The following NEDD4L variants were observed in gnomAD, a reference collection of about 807,000 sequenced individuals.
NEDD4L encodes E3 ubiquitin-protein ligase NEDD4-like.
Under a neutral mutation model 148.9 loss-of-function variants are expected in NEDD4L, and 54 were observed. The ratio of observed to expected loss-of-function variants is 0.36; its 90% confidence interval spans 0.29 to 0.45. NEDD4L has a LOEUF of 0.45. Among genes scored for constraint, NEDD4L ranks in the 20% least tolerant of loss-of-function variants. The probability of loss-of-function intolerance (pLI) is 1.00; values close to 1 mark genes in which losing one functional copy is unlikely to be tolerated. For missense variants in NEDD4L, 856 were observed against 1,233.8 expected, an observed-to-expected ratio of 0.69 and a Z score of 4.59; for synonymous variants, 433 against 440.7, an observed-to-expected ratio of 0.98 and a Z score of 0.22.
At chr18:58,283,190 C>T (rs1394297520) in intron 5 of NEDD4L, among the ~76,000 whole-genome samples, 2 of 152,178 alleles carry the variant, frequency 1.3e-5, no homozygotes, top group Non-Finnish European at 2.9e-5. Context: ...ATTCTCCTGC[C>T]TTAGCCTCCT....
chr18:58,081,255 G>A (rs1420095413), intron 1 of NEDD4L, among the ~76,000 whole-genome samples: 5 of 129,510 alleles, frequency 3.9e-5, no homozygotes, highest in Admixed American at 9.2e-5. Context: ...ACGCTCTGTC[G>A]TCTGGGCTGG....
intron 1 of NEDD4L, among the ~76,000 whole-genome samples, chr18:58,088,288 G>GT (rs1227425217): frequency 6.6e-6 from 1 of 152,190 alleles, no homozygotes; most frequent in African/African-American, 2.4e-5. Context: ...ATTGTGAGAG[G>GT]TGACTACATG....
intron 5 of NEDD4L, among the ~76,000 whole-genome samples, chr18:58,268,005 G>A (rs2050467456): frequency 6.6e-6 from 1 of 151,834 alleles, no homozygotes; most frequent in South Asian, 2.1e-4. Flanking sequence ...AGGGAAAATT[G>A]CTCTGCGCCT....
chr18:58,317,188 T>C (rs2058363212), intron 6 of NEDD4L, among the ~76,000 whole-genome samples: 1 of 152,242 alleles, frequency 6.6e-6, no homozygotes, highest in Non-Finnish European at 1.5e-5. Flanking sequence ...TTGTTTCTTT[T>C]TAAAACTCTG....
chr18:58,247,831 G>A (rs569872303), intron 3 of NEDD4L, among the ~76,000 whole-genome samples: 7 of 152,260 alleles, frequency 4.6e-5, no homozygotes, highest in East Asian at 1.9e-4. Context: ...CCCTCCCCTC[G>A]TTCATTACCA....
At position 58,389,105 on chromosome 18, in the gene NEDD4L, T is replaced by G; in HGVS notation, c.2568T>G (p.Gly856=). Residue 856 remains glycine, a synonymous_variant, in exon 28 of 31, where the codon GGT becomes GGG. Coordinates refer to ENST00000400345, the MANE Select transcript of NEDD4L (RefSeq NM_001144967.3). ...CCTAGTTGCTCATGTGCGGCCTCGG[T>G]GATGTGGATGTGAATGACTGGAGAC... The part of the protein sequence containing the change: ...NELELLMCGL[G]DVDVNDWRQH... The G allele has an allele frequency of 6.2e-7, 1 of 1,613,878 alleles. No homozygotes were observed. Among genetic ancestry groups the G allele is most frequent in the Non-Finnish European group, 8.5e-7 (1 of 1,179,826 alleles).
At chr18:58,305,188 G>A (rs2056924433) in intron 5 of NEDD4L, among the ~76,000 whole-genome samples, 1 of 152,176 alleles carries the variant, frequency 6.6e-6, no homozygotes, top group African/African-American at 2.4e-5. Flanking sequence ...AGAAGGAGGG[G>A]AACCTATCAT....
At chr18:58,054,306 T>A (rs1219132446) in intron 1 of NEDD4L, among the ~76,000 whole-genome samples, 1 of 152,256 alleles carries the variant, frequency 6.6e-6, no homozygotes, top group Non-Finnish European at 1.5e-5. Flanking sequence ...TGGAGAATCT[T>A]CTGCTTTCTT....
At position 58,336,323 on chromosome 18, in the gene NEDD4L, A is replaced by C. The variant is rs550449704; in HGVS notation, c.1125+786A>C. On this transcript the variant is annotated intron_variant, in intron 13 of 30. Coordinates refer to ENST00000400345, the MANE Select transcript of NEDD4L (RefSeq NM_001144967.3). ...CCGGGCACGGTGGCTCACGCCTGTA[A>C]TCCCAGCACCTTGGGAGGCTGAGGC... Among the ~76,000 whole-genome samples the C allele has an allele frequency of 2.0e-5, 3 of 152,306 alleles. No individual in the cohort carries two copies. In the East Asian group the frequency reaches 5.8e-4, roughly 29 times the overall value.
At position 58,389,091 on chromosome 18, in the gene NEDD4L, A is replaced by G. The variant is rs2049440176; in HGVS notation, c.2554A>G (p.Met852Val). 6.2e-7 allele frequency: 1 copy of G among 1,613,586 alleles called. No homozygotes were observed. The highest frequency in any genetic ancestry group is 1.3e-5 in the African/African-American group (1 of 74,890). The change falls in exon 28 of 31, where the codon ATG (methionine) becomes GTG (valine). Residue 852 changes from methionine (M) to valine (V), a missense_variant. Physicochemically the swap from Met to Val is conservative, Grantham distance 21. Around this residue, in one of 4 missense-constraint regions of NEDD4L, gnomAD observed 286 missense variants for 531.8 expected, o/e 0.54. Coordinates refer to ENST00000400345, the MANE Select transcript of NEDD4L (RefSeq NM_001144967.3). ...TGGTAAATTTTCTTCCTAGTTGCTC[A>G]TGTGCGGCCTCGGTGATGTGGATGT... is the stretch of plus-strand genomic sequence containing the variant. ...IFDENELELLMCGLGDVDVND... is the reference protein window; with the variant it reads ...IFDENELELLVCGLGDVDVND...
chr18:58,241,669 C>G (rs2046655427), intron 2 of NEDD4L, among the ~76,000 whole-genome samples: 1 of 151,990 alleles, frequency 6.6e-6, no homozygotes, highest in Non-Finnish European at 1.5e-5. Flanking sequence ...TTGGCACACT[C>G]TGTCACAATC....
intron 1 of NEDD4L, among the ~76,000 whole-genome samples, chr18:58,115,948 G>A (rs1007547460): frequency 5.3e-5 from 8 of 152,164 alleles, no homozygotes; most frequent in Admixed American, 1.3e-4. Flanking sequence ...AATTTGGGTT[G>A]GAAATTGATG....
At chr18:58,336,592 A>ATTTCCTTAT (rs1833692702) in intron 13 of NEDD4L, among the ~76,000 whole-genome samples, 1 of 152,068 alleles carries the variant, frequency 6.6e-6, no homozygotes. Context: ...AAAAAAAAGA[A>ATTTCCTTAT]TTTCCTTATT....
intron 13 of NEDD4L, among the ~76,000 whole-genome samples, chr18:58,339,816 G>A (rs975062797): frequency 2.0e-5 from 3 of 152,126 alleles, no homozygotes; most frequent in African/African-American, 7.2e-5. Context: ...GAGTCCACCA[G>A]GGAACTCCAG....
intron 2 of NEDD4L, chr18:58,221,437 TG>T: frequency 2.4e-6 from 1 of 422,506 alleles, no homozygotes; most frequent in Non-Finnish European, 3.2e-6. Context: ...ATTGCTGAGC[TG>T]GGTGGAGCTA....
At chr18:58,046,824 G>C (rs931449620) in intron 1 of NEDD4L, 5 of 152,144 alleles carry the variant, frequency 3.3e-5, no homozygotes, top group African/African-American at 1.2e-4. Flanking sequence ...CCATGTCGCT[G>C]GTAGTATTTA....
At position 58,400,620 on chromosome 18, in the gene NEDD4L, C is replaced by T. The variant is rs1009949854; in HGVS notation, c.*4351C>T. 3 of 152,206 alleles carry T rather than the reference C, an allele frequency of 2.0e-5. No individual in the cohort carries two copies. The highest frequency in any genetic ancestry group is 1.9e-4 in the East Asian group (1 of 5,196). The allele number at this position is 152,206 out of a possible 1,614,324, so 9.4% of individuals were successfully genotyped here. A position where few individuals can be genotyped will look rare whatever the true frequency, so the allele number is the denominator to read the frequency against. On this transcript the variant is annotated 3_prime_UTR_variant, in exon 31 of 31. Coordinates refer to ENST00000400345, the MANE Select transcript of NEDD4L (RefSeq NM_001144967.3). ...GTTAAAGATGTTCCACTGAAAGCAA[C>T]GCATGTTTCAAAGGCACGTCTTTCC...
chr18:58,167,473 C>A (rs1315426470), intron 2 of NEDD4L, among the ~76,000 whole-genome samples: 2 of 152,160 alleles, frequency 1.3e-5, no homozygotes, highest in Non-Finnish European at 2.9e-5. Context: ...TTCCATGAAG[C>A]CTGTCAAGAA....
At chr18:58,318,774 C>T (rs2058515026) in intron 6 of NEDD4L, among the ~76,000 whole-genome samples, 1 of 152,224 alleles carries the variant, frequency 6.6e-6, no homozygotes, top group Non-Finnish European at 1.5e-5. Flanking sequence ...CTGCCTGTTG[C>T]ACCTTCCTCT....
Sources: allele counts gnomAD v4.1 joint callset (sites outside exome capture counted in the v4.1 genomes callset), GRCh38; gene constraint gnomAD v4.1.1; regional missense constraint gnomAD v4.1.1; transcripts MANE v1.5; gene names NCBI Gene and HGNC (gene_info 2026-07-23, HGNC 2026-07-21).